Variants in DPP6 observed in about 807,000 individuals in gnomAD.
DPP6 encodes the protein A-type potassium channel modulatory protein DPP6.
Under a neutral mutation model 122.6 loss-of-function variants are expected in DPP6, and 69 were observed. That is an observed-to-expected ratio of 0.56 (90% CI 0.46 to 0.69). The LOEUF is 0.69. Among genes scored for constraint, DPP6 ranks in the 30% least tolerant of loss-of-function variants. The probability of loss-of-function intolerance (pLI) is 0.00; values close to 1 mark genes in which losing one functional copy is unlikely to be tolerated. For synonymous variants in DPP6, 418 were observed against 433.1 expected (o/e 0.97, Z 0.43); for missense variants, 928 against 1,116.9 (o/e 0.83, Z 2.41).
intron 1 of DPP6, among the ~76,000 whole-genome samples, chr7:153,894,396 C>G (rs540059257): frequency 1.3e-5 from 2 of 152,266 alleles, no homozygotes; most frequent in Non-Finnish European, 2.9e-5. Context: ...TTCTAGGTCC[C>G]TTGAACATAC....
chr7:154,265,524 A>G (rs1803365032), intron 1 of DPP6, among the ~76,000 whole-genome samples: 1 of 152,208 alleles, frequency 6.6e-6, no homozygotes, highest in Non-Finnish European at 1.5e-5. Flanking sequence ...GGATCAGGAG[A>G]TATAGAAGTA....
intron 3 of DPP6, among the ~76,000 whole-genome samples, chr7:154,499,330 C>T (rs1450767659): frequency 6.6e-6 from 1 of 152,152 alleles, no homozygotes; most frequent in Non-Finnish European, 1.5e-5. Flanking sequence ...GCCCCCCTGC[C>T]TTCTAGGAGC....
At chr7:153,775,592 G>A in the DPP6 span, among the ~76,000 whole-genome samples, 1 of 151,814 alleles carries the variant, frequency 6.6e-6, no homozygotes, top group Non-Finnish European at 1.5e-5. Flanking sequence ...GGTTGGTAGA[G>A]AAGTCAGGAA....
chr7:154,071,485 T>C, intron 1 of DPP6, among the ~76,000 whole-genome samples: 1 of 152,232 alleles, frequency 6.6e-6, no homozygotes, highest in Non-Finnish European at 1.5e-5. Context: ...ATCTTTATCC[T>C]TCAGACATAG....
At chr7:153,906,545 G>A (rs537964335) in intron 1 of DPP6, among the ~76,000 whole-genome samples, 1 of 152,234 alleles carries the variant, frequency 6.6e-6, no homozygotes, top group Admixed American at 6.5e-5. Context: ...CGGCCTCCCA[G>A]GCTCAGGTAA....
rs567937718 is a variant in DPP6, at chr7:154,790,979, C to T, written c.1137-3100C>T. Among the ~76,000 whole-genome samples the T allele has an allele frequency of 3.4e-4, 52 of 152,184 alleles. 1 individual carries two copies. Among genetic ancestry groups the T allele is most frequent in the Admixed American group, 2.6e-3 (40 of 15,284 alleles). On this transcript the variant is annotated intron_variant, in intron 10 of 25. Coordinates refer to ENST00000377770, the MANE Select transcript of DPP6 (RefSeq NM_130797.4). Reference sequence around the variant, plus strand: ...ATAAACACATACTTGAGGCTGGGCACGGTGGTCCATGCCTGTAGTCCCAGC... The same window carrying T: ...ATAAACACATACTTGAGGCTGGGCATGGTGGTCCATGCCTGTAGTCCCAGC...
intron 1 of DPP6, among the ~76,000 whole-genome samples, chr7:154,004,089 G>C (rs6959602): frequency 0.47 from 70,618 of 151,258 alleles, 16,323 homozygotes; most frequent in Middle Eastern, 0.57. Flanking sequence ...GTCCAGCAAG[G>C]CTTTAGGATG....
At chr7:154,266,216 A>G (rs1198254849) in intron 1 of DPP6, among the ~76,000 whole-genome samples, 1 of 152,194 alleles carries the variant, frequency 6.6e-6, no homozygotes, top group East Asian at 1.9e-4. Context: ...GAATAAATGA[A>G]TGAACATATA....
At chr7:154,002,357 C>T (rs950143073) in intron 1 of DPP6, among the ~76,000 whole-genome samples, 2 of 152,144 alleles carry the variant, frequency 1.3e-5, no homozygotes, top group African/African-American at 4.8e-5. Flanking sequence ...CCTGATCCCA[C>T]ATATCTCTTT....
intron 5 of DPP6, among the ~76,000 whole-genome samples, chr7:154,637,178 C>A (rs1835780790): frequency 6.6e-6 from 1 of 152,102 alleles, no homozygotes; most frequent in South Asian, 2.1e-4. Context: ...AGAAAGGCGT[C>A]CGAGATTTGA....
intron 16 of DPP6, among the ~76,000 whole-genome samples, chr7:154,815,293 C>T (rs1799348134): frequency 6.6e-6 from 1 of 152,158 alleles, no homozygotes. Flanking sequence ...AGTATAGATT[C>T]TCTCTAGGAA....
intron 3 of DPP6, among the ~76,000 whole-genome samples, chr7:154,521,858 G>A (rs1000160875): frequency 2.6e-5 from 4 of 152,138 alleles, no homozygotes; most frequent in African/African-American, 9.7e-5. Context: ...TGTTTCCAAG[G>A]TTTAGGGTTT....
At chr7:154,794,430 GA>G (rs1316700602) in intron 11 of DPP6, among the ~76,000 whole-genome samples, 6 of 152,342 alleles carry the variant, frequency 3.9e-5, no homozygotes, top group African/African-American at 1.4e-4. Context: ...TGAATTGCCA[GA>G]GGCGCCCCGT....
intron 5 of DPP6, among the ~76,000 whole-genome samples, chr7:154,574,185 CGTGT>C (rs1369342446): frequency 2.7e-5 from 4 of 149,748 alleles, no homozygotes; most frequent in East Asian, 3.9e-4. Context: ...TAATGCTGTG[CGTGT>C]GTGTGTGTGT....
chr7:154,683,006 T>C (rs1839377965), intron 7 of DPP6, among the ~76,000 whole-genome samples: 1 of 152,212 alleles, frequency 6.6e-6, no homozygotes. Context: ...GTGTAATAGC[T>C]CACATCTAGT....
intron 3 of DPP6, among the ~76,000 whole-genome samples, chr7:154,511,726 T>C (rs1586500498): frequency 1.3e-5 from 2 of 152,352 alleles, no homozygotes; most frequent in East Asian, 1.9e-4. Context: ...TAACACCTAA[T>C]TGTAAGCCAT....
intron 5 of DPP6, among the ~76,000 whole-genome samples, chr7:154,615,964 C>T (rs897981629): frequency 2.0e-5 from 3 of 152,318 alleles, no homozygotes; most frequent in Non-Finnish European, 2.9e-5. Context: ...CCAGGTACCT[C>T]GTACAGTGTC....
chr7:154,081,141 C>A (rs1803972345), intron 1 of DPP6, among the ~76,000 whole-genome samples: 1 of 151,834 alleles, frequency 6.6e-6, no homozygotes, highest in Non-Finnish European at 1.5e-5. Context: ...ATGACCTAGC[C>A]CCTGATCAGC....
chr7:154,411,925 C>A (rs1816637084), intron 1 of DPP6, among the ~76,000 whole-genome samples: 1 of 152,122 alleles, frequency 6.6e-6, no homozygotes, highest in African/African-American at 2.4e-5. Context: ...CCTATTCAAG[C>A]AGCTATCACA....
Sources: allele counts gnomAD v4.1 joint callset (sites outside exome capture counted in the v4.1 genomes callset), GRCh38; gene constraint gnomAD v4.1.1; transcripts MANE v1.5; gene names NCBI Gene and HGNC (gene_info 2026-07-23, HGNC 2026-07-21).